The following THSD7B variants were observed in gnomAD, a reference collection of about 807,000 sequenced individuals.
THSD7B encodes the protein thrombospondin type-1 domain-containing protein 7B.
In THSD7B, 138 loss-of-function variants were observed where a neutral mutation model predicts 213.6. The observed-to-expected ratio is 0.65, with a 90% CI of 0.56 to 0.74. THSD7B has a LOEUF of 0.74. THSD7B is among the 30% of genes least tolerant of loss of function. The probability of loss-of-function intolerance (pLI) is 0.00; values close to 1 mark genes in which losing one functional copy is unlikely to be tolerated. For synonymous variants in THSD7B, 742 were observed against 687.0 expected (o/e 1.08, Z -1.25); for missense variants, 1,931 against 1,991.5 (o/e 0.97, Z 0.58).
chr2:137,458,873 C>T (rs778642746), intron 15 of THSD7B, among the ~76,000 whole-genome samples: 2 of 152,132 alleles, frequency 1.3e-5, no homozygotes, highest in African/African-American at 4.8e-5. Context: ...ACCATTCTTG[C>T]ACCCACGCTT....
At chr2:136,944,593 G>A (rs1684896081) in intron 2 of THSD7B, among the ~76,000 whole-genome samples, 2 of 152,122 alleles carry the variant, frequency 1.3e-5, no homozygotes, top group Admixed American at 1.3e-4. Flanking sequence ...ATATATTTAG[G>A]ATCGTTAGCT....
At chr2:137,251,222 A>G (rs1007465378) in intron 10 of THSD7B, among the ~76,000 whole-genome samples, 1 of 152,238 alleles carries the variant, frequency 6.6e-6, no homozygotes, top group Non-Finnish European at 1.5e-5. Flanking sequence ...AAAAATTTGC[A>G]TAGCTTAATG....
chr2:137,558,947 G>A (rs1681045748), intron 15 of THSD7B, among the ~76,000 whole-genome samples: 1 of 152,078 alleles, frequency 6.6e-6, no homozygotes, highest in Non-Finnish European at 1.5e-5. Flanking sequence ...CAAATCATGA[G>A]TGAACTCCCA....
intron 3 of THSD7B, among the ~76,000 whole-genome samples, chr2:137,086,560 TCTTAA>T (rs1211970827): frequency 6.6e-6 from 1 of 152,138 alleles, no homozygotes; most frequent in Non-Finnish European, 1.5e-5. Context: ...TTCACAATAT[TCTTAA>T]CTTAATCACC....
At chr2:137,555,837 G>C (rs555935342) in intron 15 of THSD7B, among the ~76,000 whole-genome samples, 1 of 152,274 alleles carries the variant, frequency 6.6e-6, no homozygotes, top group East Asian at 1.9e-4. Context: ...CCAATGCAGA[G>C]AAGTCCTTAA....
In THSD7B at chr2:137,037,921, A is replaced by G. The variant is rs16837896; in HGVS notation, c.140-18499A>G. Among the ~76,000 whole-genome samples, 1,853 of 152,308 alleles carry G rather than the reference A, an allele frequency of 0.012. 113 individuals carry two copies. In the East Asian group the frequency reaches 0.19, roughly 15 times the overall value. On this transcript the variant is annotated intron_variant, in intron 2 of 27. Coordinates refer to ENST00000409968, the MANE Select transcript of THSD7B (RefSeq NM_001316349.2). The stretch of plus-strand genomic sequence containing the variant: ...GGAATCCATGTTGGCCATGTCACCT[A>G]TGAGAAGGATAATCCCAAATATTTT...
At chr2:136,938,736 G>T (rs535035486) in intron 2 of THSD7B, among the ~76,000 whole-genome samples, 1 of 152,254 alleles carries the variant, frequency 6.6e-6, no homozygotes, top group East Asian at 1.9e-4. Context: ...GTAATGTGTG[G>T]ACAGAGCTTT....
At chr2:136,946,030 GA>G (rs1210758192) in intron 2 of THSD7B, among the ~76,000 whole-genome samples, 1 of 152,228 alleles carries the variant, frequency 6.6e-6, no homozygotes, top group African/African-American at 2.4e-5. Context: ...TCGTTTGGAA[GA>G]GAAGAGGCGC....
At chr2:137,065,996 C>T (rs1183422872) in intron 3 of THSD7B, among the ~76,000 whole-genome samples, 2 of 151,892 alleles carry the variant, frequency 1.3e-5, no homozygotes, top group African/African-American at 4.8e-5. Flanking sequence ...AATTCCTTCT[C>T]CAATTGGCAG....
chr2:137,252,006 C>A (rs995865302), intron 10 of THSD7B, among the ~76,000 whole-genome samples: 1 of 152,044 alleles, frequency 6.6e-6, no homozygotes, highest in Non-Finnish European at 1.5e-5. Flanking sequence ...CAGTGGCTCA[C>A]GCCTGTAATA....
chr2:137,649,623 G>GT (rs774820572), intron 21 of THSD7B, among the ~76,000 whole-genome samples: 1 of 152,246 alleles, frequency 6.6e-6, no homozygotes, highest in African/African-American at 2.4e-5. Context: ...TAAATCTGGG[G>GT]TTTTTATCAT....
At chr2:136,909,220 C>A (rs1646390791) in intron 2 of THSD7B, among the ~76,000 whole-genome samples, 1 of 152,030 alleles carries the variant, frequency 6.6e-6, no homozygotes, top group African/African-American at 2.4e-5. Flanking sequence ...GCACCAGAAT[C>A]ATCACTTTCA....
intron 21 of THSD7B, among the ~76,000 whole-genome samples, chr2:137,642,853 T>A (rs1423522897): frequency 6.6e-6 from 1 of 152,138 alleles, no homozygotes; most frequent in African/African-American, 2.4e-5. Context: ...AAGCACTGAT[T>A]ATAATAGGTC....
chr2:137,497,145 T>C (rs1169330219), intron 15 of THSD7B, among the ~76,000 whole-genome samples: 1 of 151,950 alleles, frequency 6.6e-6, no homozygotes, highest in East Asian at 1.9e-4. Context: ...GGTAGTTACT[T>C]TTTTAGGCTT....
intron 3 of THSD7B, among the ~76,000 whole-genome samples, chr2:137,071,813 G>A (rs1482035934): frequency 6.6e-6 from 1 of 152,156 alleles, no homozygotes; most frequent in African/African-American, 2.4e-5. Flanking sequence ...TCCAGTTTCA[G>A]CTTTCTACAT....
At chr2:137,625,572 G>A (rs1461005751) in intron 20 of THSD7B, among the ~76,000 whole-genome samples, 3 of 152,206 alleles carry the variant, frequency 2.0e-5, no homozygotes, top group African/African-American at 7.2e-5. Flanking sequence ...TAAATTTCTG[G>A]AACATATTCA....
intron 14 of THSD7B, among the ~76,000 whole-genome samples, chr2:137,428,991 C>T (rs1687116972): frequency 6.6e-6 from 1 of 152,142 alleles, no homozygotes; most frequent in Admixed American, 6.5e-5. Flanking sequence ...AAGACCATCA[C>T]CAGACACCAA....
At chr2:137,632,808 A>G (rs188630155) in intron 20 of THSD7B, among the ~76,000 whole-genome samples, 91 of 152,298 alleles carry the variant, frequency 6.0e-4, no homozygotes, top group African/African-American at 2.1e-3. Flanking sequence ...TGGTCTTGTT[A>G]CTTCCCATGT....
At chr2:136,957,691 T>C (rs538163476) in intron 2 of THSD7B, among the ~76,000 whole-genome samples, 1 of 152,274 alleles carries the variant, frequency 6.6e-6, no homozygotes, top group South Asian at 2.1e-4. Context: ...TTATATTTTG[T>C]CACATTGTGG....
Sources: allele counts gnomAD v4.1 joint callset (sites outside exome capture counted in the v4.1 genomes callset), GRCh38; gene constraint gnomAD v4.1.1; transcripts MANE v1.5; gene names NCBI Gene and HGNC (gene_info 2026-07-23, HGNC 2026-07-21).